MECOM: variants seen among roughly 807,000 people sequenced by gnomAD.
MECOM encodes MDS1 and EVI1 complex locus, also known as histone-lysine N-methyltransferase MECOM.
MECOM carries 13 observed loss-of-function variants against 116.3 expected under a neutral mutation model. That is an observed-to-expected ratio of 0.11 (90% CI 0.07 to 0.18). The LOEUF is 0.18. Ranked by LOEUF, MECOM falls within the 10% of genes least tolerant of loss-of-function variation. The pLI, the probability that MECOM is intolerant of heterozygous loss-of-function variation, is 1.00. For synonymous variants in MECOM, 528 were observed against 535.2 expected (o/e 0.99, Z 0.19); for missense variants, 1,299 against 1,509.0 (o/e 0.86, Z 2.31).
intron 2 of MECOM, among the ~76,000 whole-genome samples, chr3:169,332,491 TA>T (rs1722919470): frequency 1.3e-5 from 2 of 152,134 alleles, no homozygotes; most frequent in African/African-American, 4.8e-5. Flanking sequence ...AATGTGTTAT[TA>T]GTGCTCAGTG....
chr3:169,659,701 G>A (rs1776025349), intron 1 of MECOM, among the ~76,000 whole-genome samples: 1 of 152,072 alleles, frequency 6.6e-6, no homozygotes, highest in Non-Finnish European at 1.5e-5. Context: ...TCTTAAGGAT[G>A]AAGGAAAACC....
intron 1 of MECOM, among the ~76,000 whole-genome samples, chr3:169,517,586 A>G (rs920992134): frequency 6.6e-6 from 1 of 152,234 alleles, no homozygotes; most frequent in East Asian, 1.9e-4. Context: ...AGCCTAAAAC[A>G]TACCCTGAAC....
intron 2 of MECOM, among the ~76,000 whole-genome samples, chr3:169,288,447 T>C (rs1386616086): frequency 6.6e-6 from 1 of 152,216 alleles, no homozygotes; most frequent in Non-Finnish European, 1.5e-5. Context: ...CACTGGAAGG[T>C]TAAAAATGGG....
chr3:169,206,018 C>T (rs546650990), intron 2 of MECOM, among the ~76,000 whole-genome samples: 1 of 152,244 alleles, frequency 6.6e-6, no homozygotes, highest in East Asian at 1.9e-4. Context: ...GCGCAGCCCC[C>T]TTTAGAACAG....
intron 2 of MECOM, among the ~76,000 whole-genome samples, chr3:169,348,464 T>C (rs1220647094): frequency 6.6e-6 from 1 of 151,978 alleles, no homozygotes. Context: ...AGGTCCTGAC[T>C]CATAGCCTTA....
chr3:169,597,390 C>T lies in MECOM; in HGVS notation c.37+65946G>A, dbSNP rs541502667. On this transcript the variant is annotated intron_variant, in intron 1 of 16. Transcript: ENST00000651503. ...CAAAAGAGTCTTTGTGCAACAACAC[C>T]AGGGAGGTGACGGAAAGCTGCTCAG... is the stretch of plus-strand genomic sequence containing the variant. Among the ~76,000 whole-genome samples, 261 of 152,210 alleles carry T rather than the reference C, an allele frequency of 1.7e-3. 4 individuals carry two copies. The highest frequency in any genetic ancestry group is 0.017 in the Middle Eastern group (5 of 294).
chr3:169,198,742 G>A (rs1416180552), intron 2 of MECOM, among the ~76,000 whole-genome samples: 1 of 151,962 alleles, frequency 6.6e-6, no homozygotes, highest in African/African-American at 2.4e-5. Context: ...AGGCAGTGGG[G>A]ACAGAATACC....
intron 1 of MECOM, among the ~76,000 whole-genome samples, chr3:169,625,454 C>T (rs1433741117): frequency 1.3e-5 from 2 of 152,130 alleles, no homozygotes; most frequent in Non-Finnish European, 2.9e-5. Flanking sequence ...ACCAAATTTA[C>T]TTAAAAGTCT....
chr3:169,270,559 A>G (rs1758823659), intron 2 of MECOM, among the ~76,000 whole-genome samples: 1 of 152,146 alleles, frequency 6.6e-6, no homozygotes, highest in Admixed American at 6.5e-5. Flanking sequence ...AGAAAGCAAG[A>G]ACAGAAATTT....
intron 2 of MECOM, among the ~76,000 whole-genome samples, chr3:169,323,988 G>C (rs1721362828): frequency 6.6e-6 from 1 of 152,184 alleles, no homozygotes; most frequent in Admixed American, 6.5e-5. Flanking sequence ...GCATAGCTAT[G>C]ACATCAGCCC....
At chr3:169,622,539 T>C (rs936570816) in intron 1 of MECOM, among the ~76,000 whole-genome samples, 1 of 152,254 alleles carries the variant, frequency 6.6e-6, no homozygotes, top group Admixed American at 6.5e-5. Flanking sequence ...CAGAAGGCTC[T>C]GTGCCTGATA....
intron 10 of MECOM, among the ~76,000 whole-genome samples, chr3:169,105,731 T>C (rs1725185851): frequency 1.3e-5 from 2 of 152,126 alleles, no homozygotes; most frequent in African/African-American, 4.8e-5. Flanking sequence ...TATATAATAG[T>C]TGATGTTATC....
In MECOM at chr3:169,415,369, C is replaced by T. The variant is rs1035722785; in HGVS notation, c.38-33845G>A. Among the ~76,000 whole-genome samples, 6 of 152,170 alleles carry T rather than the reference C, an allele frequency of 3.9e-5. No homozygotes were observed. In the East Asian group the frequency reaches 7.7e-4, roughly 20 times the overall value. On this transcript the variant is annotated intron_variant, in intron 1 of 16. Coordinates refer to ENST00000651503, the MANE Select transcript of MECOM (RefSeq NM_004991.4). ...GTCACCACCAGGCCTGCCTTACAAG[C>T]GCTCCTGAAGGAAGCACTAAATATA...
chr3:169,574,605 C>A (rs1254339988), intron 1 of MECOM, among the ~76,000 whole-genome samples: 1 of 152,116 alleles, frequency 6.6e-6, no homozygotes, highest in Non-Finnish European at 1.5e-5. Flanking sequence ...TACTTTAGAG[C>A]AAAACCGACT....
At chr3:169,628,050 G>T (rs1771598972) in intron 1 of MECOM, among the ~76,000 whole-genome samples, 1 of 152,094 alleles carries the variant, frequency 6.6e-6, no homozygotes, top group Admixed American at 6.5e-5. Context: ...ATACCAAAGA[G>T]CACCCCCAGA....
chr3:169,644,827 T>G (rs1380438009), intron 1 of MECOM, among the ~76,000 whole-genome samples: 1 of 152,186 alleles, frequency 6.6e-6, no homozygotes, highest in Non-Finnish European at 1.5e-5. Context: ...TATTAATAGT[T>G]TTGAAACAAG....
rs975823204 is a variant in MECOM, at chr3:169,385,361, C to T, written c.38-3837G>A. ...ACAATTAAACCTAAAGAACAACTTA[C>T]ATAGGTCAAGCAAATCCACAAGAAG... On this transcript the variant is annotated intron_variant, in intron 1 of 16. Transcript: ENST00000651503. Among the ~76,000 whole-genome samples, 4 of 152,090 alleles carry T rather than the reference C, an allele frequency of 2.6e-5. No homozygotes were observed. In the South Asian group the frequency reaches 8.3e-4, roughly 32 times the overall value.
At chr3:169,184,047 G>A (rs957966497) in intron 2 of MECOM, among the ~76,000 whole-genome samples, 2 of 151,688 alleles carry the variant, frequency 1.3e-5, no homozygotes, top group African/African-American at 2.4e-5. Flanking sequence ...TGTATTTTTA[G>A]TAGAGACGCG....
chr3:169,093,348 T>G (rs567834038), intron 13 of MECOM, among the ~76,000 whole-genome samples: 1 of 152,316 alleles, frequency 6.6e-6, no homozygotes, highest in East Asian at 1.9e-4. Flanking sequence ...AAGGTGCTTC[T>G]CTCACTAGCT....
Sources: allele counts gnomAD v4.1 joint callset (sites outside exome capture counted in the v4.1 genomes callset), GRCh38; gene constraint gnomAD v4.1.1; transcripts MANE v1.5; gene names NCBI Gene and HGNC (gene_info 2026-07-23, HGNC 2026-07-21).